UBAC2: variants seen among roughly 807,000 people sequenced by gnomAD.
The protein encoded by UBAC2 is ubiquitin-associated domain-containing protein 2.
Under a neutral mutation model 44.0 loss-of-function variants are expected in UBAC2, and 26 were observed. The ratio of observed to expected loss-of-function variants is 0.59; its 90% CI spans 0.43 to 0.82. UBAC2 has a LOEUF of 0.82. Among genes scored for constraint, UBAC2 ranks in the 40% least tolerant of loss-of-function variants. UBAC2 has a pLI of 0.00. For synonymous variants in UBAC2, 155 were observed against 154.3 expected, an observed-to-expected ratio of 1.00 and a Z score of -0.04; for missense variants, 329 against 419.4, an observed-to-expected ratio of 0.78 and a Z score of 1.88.
At chr13:99,345,543 G>A (rs935392432) in intron 7 of UBAC2, among the ~76,000 whole-genome samples, 4 of 151,898 alleles carry the variant, frequency 2.6e-5, no homozygotes, top group African/African-American at 9.7e-5. Context: ...AGCTTTTCAC[G>A]TTAGACACCC....
At chr13:99,263,769 G>A (rs935863345) in intron 4 of UBAC2, among the ~76,000 whole-genome samples, 1 of 152,186 alleles carries the variant, frequency 6.6e-6, no homozygotes, top group Non-Finnish European at 1.5e-5. Context: ...TAAGTCACTT[G>A]TGGTGTAGGC....
intron 4 of UBAC2, among the ~76,000 whole-genome samples, chr13:99,256,847 A>G (rs1264268524): frequency 1.3e-5 from 2 of 152,172 alleles, no homozygotes; most frequent in African/African-American, 4.8e-5. Context: ...CTTTGCTGCA[A>G]TGAGATGGAA....
At chr13:99,304,468 C>A (rs758486873) in intron 4 of UBAC2, among the ~76,000 whole-genome samples, 1 of 152,118 alleles carries the variant, frequency 6.6e-6, no homozygotes, top group Non-Finnish European at 1.5e-5. Flanking sequence ...TGAGTGGGGA[C>A]CCTATGGTGT....
intron 7 of UBAC2, among the ~76,000 whole-genome samples, chr13:99,347,848 C>T (rs756411331): frequency 6.6e-6 from 1 of 151,766 alleles, no homozygotes; most frequent in African/African-American, 2.4e-5. Flanking sequence ...GTCTCATGGG[C>T]CTGTGGCAGT....
In UBAC2 at chr13:99,324,195, T is replaced by C. The variant is rs1428201140; in HGVS notation, c.561+6126T>C. On this transcript the variant is annotated intron_variant, in intron 6 of 8. Transcript: ENST00000403766. ...TTGTGGTAGATTTTTTACTCTAGTA[T>C]TTTTGTTTGTTCAAATATATTTGGT... is the stretch of plus-strand genomic sequence containing the variant. Among the ~76,000 whole-genome samples, 3 of 152,206 alleles carry C rather than the reference T, an allele frequency of 2.0e-5. No homozygotes were observed. In the East Asian group the frequency reaches 5.8e-4, roughly 29 times the overall value.
At chr13:99,237,418 G>A (rs73565933) in intron 1 of UBAC2, among the ~76,000 whole-genome samples, 1,617 of 152,254 alleles carry the variant, frequency 0.011, 30 homozygotes, top group African/African-American at 0.038. Context: ...GTTCTCACAC[G>A]TGGAAGCTAA....
At chr13:99,370,609 C>G (rs2045392655) in intron 8 of UBAC2, among the ~76,000 whole-genome samples, 1 of 152,234 alleles carries the variant, frequency 6.6e-6, no homozygotes, top group Admixed American at 6.5e-5. Context: ...GCACCTGCCT[C>G]TGTAGCAAAA....
In UBAC2 at chr13:99,270,532, A is replaced by G. The variant is rs187670336; in HGVS notation, c.389+25908A>G. On this transcript the variant is annotated intron_variant, in intron 4 of 8. Transcript: ENST00000403766. ...TTTAATTACTACTTTTTACATTTCT[A>G]TATCAATGTCCAAGATTATAGTGGT... is the stretch of plus-strand genomic sequence containing the variant. 5.3e-5 allele frequency among the ~76,000 whole-genome samples: 8 copies of G among 152,368 alleles called. 1 individual carries two copies. The highest frequency in any genetic ancestry group is 9.6e-5 in the African/African-American group (4 of 41,588).
intron 4 of UBAC2, among the ~76,000 whole-genome samples, chr13:99,277,002 G>C (rs932183242): frequency 6.6e-6 from 1 of 152,168 alleles, no homozygotes; most frequent in African/African-American, 2.4e-5. Context: ...TAATCAGGTT[G>C]CCTCTCAGAT....
At chr13:99,322,866 C>T (rs2044587716) in intron 6 of UBAC2, among the ~76,000 whole-genome samples, 1 of 152,144 alleles carries the variant, frequency 6.6e-6, no homozygotes, top group South Asian at 2.1e-4. Context: ...AATGAGCCAT[C>T]TGGAGGGAGT....
rs548580588 is a variant in UBAC2, at chr13:99,335,290, A to G, written c.562-5030A>G. Among the ~76,000 whole-genome samples the G allele has an allele frequency of 3.3e-5, 5 of 152,218 alleles. No homozygotes were observed. The South Asian group carries it at 1.0e-3, about 32-fold the overall frequency. ...ACATTTTGCTATCTTCTGCTGAATC[A>G]GCGTAATGCTGATATACACCCTATT... On this transcript the variant is annotated intron_variant, in intron 6 of 8. Transcript: ENST00000403766.
intron 4 of UBAC2, among the ~76,000 whole-genome samples, chr13:99,282,927 C>G (rs9585032): frequency 0.17 from 25,246 of 152,150 alleles, 2,379 homozygotes; most frequent in Middle Eastern, 0.23. Flanking sequence ...TGCTTGAAAT[C>G]TAATGTGCTT....
intron 6 of UBAC2, 75 bp downstream of exon 6, chr13:99,318,144 A>G (rs2044517973): frequency 2.3e-6 from 3 of 1,309,600 alleles, no homozygotes; most frequent in Non-Finnish European, 3.3e-6. Flanking sequence ...TCCTATTTAG[A>G]TTGTGCGTCA....
chr13:99,219,090 G>A (rs992837361), intron 1 of UBAC2, among the ~76,000 whole-genome samples: 6 of 152,182 alleles, frequency 3.9e-5, no homozygotes, highest in Non-Finnish European at 7.3e-5. Flanking sequence ...TAGTTAAGTA[G>A]TCAGACATAG....
chr13:99,367,975 C>CA, intron 8 of UBAC2, 69 bp downstream of exon 8: 1 of 1,562,704 alleles, frequency 6.4e-7, no homozygotes, highest in Non-Finnish European at 8.7e-7. Context: ...TTTCGATCAA[C>CA]AGGACTCAAA....
At chr13:99,215,666 GC>G in intron 1 of UBAC2, 2 of 1,451,440 alleles carry the variant, frequency 1.4e-6, no homozygotes, top group Non-Finnish European at 1.9e-6. Context: ...GATGAATACA[GC>G]CCTCTGGGAA....
rs78077018 is a variant in UBAC2 at position 99,371,763 on chromosome 13, C to T, written c.927+3857C>T. 4.2e-3 allele frequency among the ~76,000 whole-genome samples: 632 copies of T among 152,216 alleles called. 2 individuals are homozygous for T. Among genetic ancestry groups the T allele is most frequent in the African/African-American group, 0.015 (610 of 41,514 alleles). The stretch of plus-strand genomic sequence containing the variant: ...GAAATTATTATTTGAGTTTTTTCTG[C>T]TGTAAACAGATACTTTAGGAATTTA... On this transcript the variant is annotated intron_variant, in intron 8 of 8. Transcript: ENST00000403766.
chr13:99,332,330 A>G (rs2044727739), intron 6 of UBAC2, among the ~76,000 whole-genome samples: 1 of 152,234 alleles, frequency 6.6e-6, no homozygotes, highest in Non-Finnish European at 1.5e-5. Context: ...TCTACCCAGC[A>G]AATTAAATTA....
chr13:99,258,139 T>C (rs764995966), intron 4 of UBAC2: 4 of 152,246 alleles, frequency 2.6e-5, no homozygotes, highest in Non-Finnish European at 4.4e-5. Context: ...ATGAAGTTAA[T>C]TAAATGCTGC....
Sources: allele counts gnomAD v4.1 joint callset (sites outside exome capture counted in the v4.1 genomes callset), GRCh38; gene constraint gnomAD v4.1.1; transcripts MANE v1.5; gene names NCBI Gene and HGNC (gene_info 2026-07-23, HGNC 2026-07-21).